Variants in COL24A1 observed in about 807,000 individuals in gnomAD.
COL24A1 encodes the protein collagen type XXIV alpha 1 chain.
COL24A1 carries 224 observed loss-of-function variants against 253.9 expected under a neutral mutation model. That is an observed-to-expected ratio of 0.88 (90% confidence interval 0.79 to 0.99). The LOEUF is 0.99. Ranked by LOEUF, COL24A1 falls within the 50% of genes least tolerant of loss-of-function variation. COL24A1 has a pLI of 0.00. For missense variants in COL24A1, 2,131 were observed against 2,068.5 expected (o/e 1.03, Z -0.59); for synonymous variants, 685 against 673.7 (o/e 1.02, Z -0.26).
At chr1:86,077,921 G>A (rs572780516) in intron 7 of COL24A1, among the ~76,000 whole-genome samples, 9 of 152,008 alleles carry the variant, frequency 5.9e-5, no homozygotes, top group Non-Finnish European at 8.8e-5. Flanking sequence ...ACTATGGCAC[G>A]TGTATACCTA....
intron 55 of COL24A1, among the ~76,000 whole-genome samples, chr1:85,758,993 A>T (rs1666561199): frequency 6.6e-6 from 1 of 151,722 alleles, no homozygotes; most frequent in Non-Finnish European, 1.5e-5. Flanking sequence ...TCCCTCCCCA[A>T]TATTTTTCTA....
intron 2 of COL24A1, among the ~76,000 whole-genome samples, chr1:86,134,445 T>C (rs1021803741): frequency 3.4e-5 from 5 of 148,044 alleles, no homozygotes; most frequent in African/African-American, 1.2e-4. Flanking sequence ...GAAGTTAGGA[T>C]GTCAATTTTA....
chr1:86,044,476 CATT>C (rs1262281238), intron 12 of COL24A1, among the ~76,000 whole-genome samples: 3 of 151,964 alleles, frequency 2.0e-5, no homozygotes, highest in South Asian at 2.1e-4. Context: ...TTAAAATAAA[CATT>C]AGTCAGAAAA....
intron 24 of COL24A1, among the ~76,000 whole-genome samples, chr1:85,924,689 T>C (rs1391665837): frequency 6.6e-6 from 1 of 152,114 alleles, no homozygotes; most frequent in Admixed American, 6.6e-5. Context: ...TAAGAGCTAT[T>C]TATGACAAAC....
At chr1:85,740,364 A>AAGG (rs891415389) in intron 57 of COL24A1, among the ~76,000 whole-genome samples, 4 of 152,320 alleles carry the variant, frequency 2.6e-5, no homozygotes, top group African/African-American at 9.6e-5. Context: ...GAGACAACTG[A>AAGG]AGGAATCTGA....
In COL24A1 at chr1:85,745,429, C is replaced by G. The variant is rs762208092; in HGVS notation, c.4503+12G>C. 1.9e-6 allele frequency: 3 copies of G among 1,593,530 alleles called. No homozygotes were observed. The highest frequency in any genetic ancestry group is 2.6e-6 in the Non-Finnish European group (3 of 1,169,810). On this transcript the variant is annotated intron_variant, in intron 56 of 59. Transcript: ENST00000370571. ...GAGACAGTGCCAATATAAATAAAAC[C>G]AGATATGTTACCTCCATCTGTAGGG...
chr1:86,091,950 T>C lies in COL24A1; in HGVS notation c.1653+317A>G, dbSNP rs557612245. On this transcript the variant is annotated intron_variant, in intron 6 of 59. Coordinates refer to ENST00000370571, the MANE Select transcript of COL24A1 (RefSeq NM_152890.7). ...TATATATTATTGTGTACATATGTAT[T>C]AACAGCAAAATGTCTGCAGTTAGGA... 9.2e-5 allele frequency among the ~76,000 whole-genome samples: 14 copies of C among 152,252 alleles called. No homozygotes were observed. In the South Asian group the frequency reaches 1.9e-3, roughly 20 times the overall value.
In COL24A1 at chr1:85,944,867, C is replaced by T. The variant is rs565816281; in HGVS notation, c.2562+16382G>A. Among the ~76,000 whole-genome samples the T allele has an allele frequency of 6.0e-3, 901 of 151,288 alleles. 8 individuals are homozygous for T. The highest frequency in any genetic ancestry group is 7.3e-3 in the Non-Finnish European group (495 of 67,836). On this transcript the variant is annotated intron_variant, in intron 24 of 59. Coordinates refer to ENST00000370571, the MANE Select transcript of COL24A1 (RefSeq NM_152890.7). Reference sequence around the variant, plus strand: ...TGCAGTGTTTGGTTTTTTGTTCTTGCGATAGTTTACTGAGAATGATGATTT... The same window carrying T: ...TGCAGTGTTTGGTTTTTTGTTCTTGTGATAGTTTACTGAGAATGATGATTT...
intron 24 of COL24A1, among the ~76,000 whole-genome samples, chr1:85,924,868 G>T (rs532731751): frequency 1.2e-4 from 19 of 152,316 alleles, no homozygotes; most frequent in Admixed American, 1.1e-3. Flanking sequence ...ATTAGGAAAA[G>T]AGGAAGTGAA....
chr1:86,097,664 T>TCTC lies in COL24A1; in HGVS notation c.1600-5347_1600-5345dup, dbSNP rs1200199087. Among the ~76,000 whole-genome samples the TCTC allele has an allele frequency of 4.5e-5, 6 of 133,886 alleles. No homozygotes were observed. The East Asian group carries it at 1.4e-3, about 32-fold the overall frequency. The allele number at this position is 133,886 out of a possible 152,430, so 87.8% of individuals were successfully genotyped here. A position where few individuals can be genotyped will look rare whatever the true frequency, so the allele number is the denominator to read the frequency against. On this transcript the variant is annotated intron_variant, in intron 5 of 59. Coordinates refer to ENST00000370571, the MANE Select transcript of COL24A1 (RefSeq NM_152890.7). ...TTCTTCCTCCTCCTCCTCCTCCCCT[T>TCTC]CTCCTCCTCCTCCTCCTTCTTCTTC...
intron 37 of COL24A1, among the ~76,000 whole-genome samples, chr1:85,854,621 T>A (rs991328486): frequency 2.6e-5 from 4 of 152,174 alleles, no homozygotes; most frequent in African/African-American, 9.7e-5. Flanking sequence ...TTACATTTGT[T>A]TGTGTTGCCT....
intron 19 of COL24A1, among the ~76,000 whole-genome samples, chr1:85,988,854 G>A (rs1693974366): frequency 6.6e-6 from 1 of 152,112 alleles, no homozygotes; most frequent in Non-Finnish European, 1.5e-5. Flanking sequence ...TGGATTCTGT[G>A]AGGAAAAATA....
intron 29 of COL24A1, 142 bp from the exon 30 acceptor site, chr1:85,896,207 G>A (rs1021952097): frequency 1.7e-5 from 20 of 1,168,094 alleles, no homozygotes; most frequent in Non-Finnish European, 2.2e-5. Flanking sequence ...CTCTGCCTGT[G>A]TAGTAAAAAC....
chr1:86,141,291 T>TG (rs1264494154), intron 2 of COL24A1, among the ~76,000 whole-genome samples: 2 of 152,140 alleles, frequency 1.3e-5, no homozygotes, highest in Non-Finnish European at 1.5e-5. Flanking sequence ...GGCTTCAAAT[T>TG]GGGGGTTGAG....
At chr1:86,061,948 C>T (rs542004802) in intron 8 of COL24A1, among the ~76,000 whole-genome samples, 1 of 152,102 alleles carries the variant, frequency 6.6e-6, no homozygotes, top group East Asian at 1.9e-4. Flanking sequence ...TTCAGAATTC[C>T]GGCACTGCTC....
intron 53 of COL24A1, among the ~76,000 whole-genome samples, chr1:85,774,540 A>T (rs1455719490): frequency 3.3e-5 from 5 of 152,080 alleles, no homozygotes; most frequent in African/African-American, 1.2e-4. Flanking sequence ...TTATTGCCTC[A>T]ATTTCAGAGC....
At chr1:85,978,247 C>T (rs1242997266) in intron 20 of COL24A1, among the ~76,000 whole-genome samples, 2 of 152,038 alleles carry the variant, frequency 1.3e-5, no homozygotes, top group African/African-American at 4.8e-5. Context: ...TTGAAACAAG[C>T]CTTAAAATAC....
intron 3 of COL24A1, 38 bp downstream of exon 3, chr1:86,124,807 T>C: frequency 6.9e-7 from 1 of 1,439,004 alleles, no homozygotes; most frequent in Non-Finnish European, 9.2e-7. Context: ...AAAATGTAAG[T>C]TAGCATATTA....
intron 35 of COL24A1, among the ~76,000 whole-genome samples, chr1:85,873,078 G>C (rs1430714057): frequency 6.6e-6 from 1 of 152,070 alleles, no homozygotes; most frequent in Non-Finnish European, 1.5e-5. Context: ...ACAGACACAT[G>C]AAAAAATGCT....
Sources: gnomAD v4.1 joint callset for allele counts (sites outside exome capture counted in the v4.1 genomes callset) on GRCh38, gnomAD v4.1.1 for gene constraint, MANE v1.5 for transcripts, NCBI Gene and HGNC (gene_info 2026-07-23, HGNC 2026-07-21) for gene names.